Variants in PPM1H observed in about 807,000 individuals in gnomAD.
PPM1H encodes protein phosphatase, Mg2+/Mn2+ dependent 1H.
PPM1H carries 27 observed loss-of-function variants against 54.9 expected under a neutral mutation model. The observed-to-expected ratio is 0.49, with a 90% CI of 0.36 to 0.68. The LOEUF (loss-of-function observed/expected upper bound fraction) is 0.68. PPM1H is among the 30% of genes least tolerant of loss of function. The pLI is 0.00. For synonymous variants in PPM1H, 305 were observed against 270.8 expected (o/e 1.13, Z -1.24); for missense variants, 596 against 667.8 (o/e 0.89, Z 1.19).
intron 8 of PPM1H, among the ~76,000 whole-genome samples, chr12:62,679,115 T>A (rs1388355630): frequency 6.6e-6 from 1 of 151,780 alleles, no homozygotes; most frequent in Non-Finnish European, 1.5e-5. Context: ...GCCTCCCGAG[T>A]AGCTGGGACT....
intron 4 of PPM1H, among the ~76,000 whole-genome samples, chr12:62,740,932 C>T (rs904140548): frequency 2.6e-5 from 4 of 152,182 alleles, no homozygotes; most frequent in Admixed American, 6.5e-5. Flanking sequence ...GCTCCAACAA[C>T]GACATATGCT....
chr12:62,675,715 T>C, intron 8 of PPM1H, among the ~76,000 whole-genome samples: 1 of 152,194 alleles, frequency 6.6e-6, no homozygotes, highest in South Asian at 2.1e-4. Context: ...GATGGTCACC[T>C]GACAAATAAT....
At chr12:62,929,968 G>A (rs1872082001) in intron 1 of PPM1H, among the ~76,000 whole-genome samples, 1 of 152,092 alleles carries the variant, frequency 6.6e-6, no homozygotes, top group Admixed American at 6.5e-5. Flanking sequence ...GTTCTGCAAA[G>A]AGGTATCAGT....
intron 2 of PPM1H, among the ~76,000 whole-genome samples, chr12:62,821,408 G>A (rs916499154): frequency 6.6e-6 from 1 of 152,110 alleles, no homozygotes; most frequent in Non-Finnish European, 1.5e-5. Context: ...TTAAAATTCA[G>A]GAAATACAGA....
intron 6 of PPM1H, among the ~76,000 whole-genome samples, chr12:62,707,093 C>A (rs545757538): frequency 4.6e-5 from 7 of 152,096 alleles, no homozygotes; most frequent in Non-Finnish European, 1.0e-4. Context: ...GAGGATCAGG[C>A]CTTGGAGATG....
In PPM1H at chr12:62,718,171, T is replaced by A. The variant is rs1424746420; in HGVS notation, c.1073+2000A>T. On this transcript the variant is annotated intron_variant, in intron 6 of 9. Transcript: ENST00000228705. ...TGTCAGGCACAGGACTAGGCACTGG[T>A]GTCCCCCTCAAGGAGCCTACAGACT... is the stretch of plus-strand genomic sequence containing the variant. Among the ~76,000 whole-genome samples, 3 of 152,344 alleles carry A rather than the reference T, an allele frequency of 2.0e-5. No individual in the cohort carries two copies. In the East Asian group the frequency reaches 5.8e-4, roughly 29 times the overall value.
intron 5 of PPM1H, among the ~76,000 whole-genome samples, chr12:62,733,852 C>A (rs12302290): frequency 0.013 from 2,029 of 152,142 alleles, 42 homozygotes; most frequent in African/African-American, 0.047. Flanking sequence ...TGTTTAAGGG[C>A]GACACCAAAT....
intron 1 of PPM1H, among the ~76,000 whole-genome samples, chr12:62,899,727 G>A (rs1224294178): frequency 1.3e-5 from 2 of 152,164 alleles, no homozygotes. Flanking sequence ...AACAGCCTCA[G>A]TCCTCACTAG....
At chr12:62,705,709 C>T (rs1453570616) in intron 6 of PPM1H, among the ~76,000 whole-genome samples, 2 of 152,186 alleles carry the variant, frequency 1.3e-5, no homozygotes, top group Admixed American at 6.5e-5. Flanking sequence ...GCTCTCTCCA[C>T]CGATATGAAT....
chr12:62,779,045 G>C (rs1406827105), intron 4 of PPM1H, among the ~76,000 whole-genome samples: 1 of 147,362 alleles, frequency 6.8e-6, no homozygotes, highest in Non-Finnish European at 1.5e-5. Flanking sequence ...GTTGTTTTTT[G>C]CTTTTTTTTT....
chr12:62,931,084 G>C (rs1227382454), intron 1 of PPM1H, among the ~76,000 whole-genome samples: 1 of 152,140 alleles, frequency 6.6e-6, no homozygotes, highest in Non-Finnish European at 1.5e-5. Flanking sequence ...TTAACAGTAA[G>C]TGGCAAAAGA....
At chr12:62,649,658 C>A (rs1014310883) in intron 9 of PPM1H, among the ~76,000 whole-genome samples, 2 of 152,190 alleles carry the variant, frequency 1.3e-5, no homozygotes, top group African/African-American at 4.8e-5. Flanking sequence ...ATTCTGATTT[C>A]GTGTTCACCA....
chr12:62,891,161 T>A (rs1410475221), intron 1 of PPM1H, among the ~76,000 whole-genome samples: 1 of 151,378 alleles, frequency 6.6e-6, no homozygotes, highest in Non-Finnish European at 1.5e-5. Context: ...ATATTTTTCC[T>A]TAAAAGTGAT....
chr12:62,778,260 T>A (rs2076622253), intron 4 of PPM1H, among the ~76,000 whole-genome samples: 1 of 152,242 alleles, frequency 6.6e-6, no homozygotes, highest in Non-Finnish European at 1.5e-5. Flanking sequence ...TCAATGCCAC[T>A]GCTGGCCAAA....
At chr12:62,799,498 A>C (rs1232618497) in intron 3 of PPM1H, among the ~76,000 whole-genome samples, 4 of 152,240 alleles carry the variant, frequency 2.6e-5, no homozygotes, top group Non-Finnish European at 5.9e-5. Context: ...TGCCTAAATA[A>C]TTAAAAAAAT....
At chr12:62,676,470 C>T (rs924879879) in intron 8 of PPM1H, among the ~76,000 whole-genome samples, 2 of 152,148 alleles carry the variant, frequency 1.3e-5, no homozygotes, top group Non-Finnish European at 2.9e-5. Flanking sequence ...GCCACCCAAC[C>T]ATGGCTGCAG....
intron 2 of PPM1H, among the ~76,000 whole-genome samples, chr12:62,813,525 C>T (rs530317823): frequency 3.9e-5 from 6 of 152,218 alleles, no homozygotes; most frequent in Non-Finnish European, 8.8e-5. Context: ...GTGCCCCTAA[C>T]TGGTGATTAT....
chr12:62,830,490 C>G (rs1044235710), intron 2 of PPM1H, among the ~76,000 whole-genome samples: 1 of 152,238 alleles, frequency 6.6e-6, no homozygotes, highest in South Asian at 2.1e-4. Flanking sequence ...CTCCTGACCT[C>G]GTGATCTGCC....
Position 62,844,756 on chromosome 12 carries a change from A to T in PPM1H, c.246-12477T>A, listed in dbSNP as rs559922672. Among the ~76,000 whole-genome samples the T allele has an allele frequency of 1.3e-5, 2 of 152,256 alleles. No individual in the cohort carries two copies. Among genetic ancestry groups the T allele is most frequent in the Non-Finnish European group, 2.9e-5 (2 of 68,046 alleles). ...CTCGATAAATGTTAATTGAATGAAT[A>T]AACAAATGAACTCATTTTGCCATAA... On this transcript the variant is annotated intron_variant, in intron 1 of 9. Transcript: ENST00000228705. The surrounding 1 kb of genome is among the most constrained non-coding windows in gnomAD (Gnocchi z 5.2).
Sources: allele counts gnomAD v4.1 joint callset (sites outside exome capture counted in the v4.1 genomes callset), GRCh38; gene constraint gnomAD v4.1.1; non-coding constraint Gnocchi (gnomAD v3.1); transcripts MANE v1.5; gene names NCBI Gene and HGNC (gene_info 2026-07-23, HGNC 2026-07-21).